RGS3: variants seen among roughly 807,000 people sequenced by gnomAD.
RGS3 encodes the protein regulator of G protein signaling 3, also known as regulator of G-protein signalling 3.
RGS3 carries 80 observed loss-of-function variants against 132.6 expected under a neutral mutation model. The observed-to-expected ratio is 0.60, with a 90% CI of 0.50 to 0.73. RGS3 has a LOEUF of 0.73. Among genes scored for constraint, RGS3 ranks in the 30% least tolerant of loss-of-function variants. RGS3 has a pLI of 0.00. For synonymous variants in RGS3, 598 were observed against 620.6 expected (o/e 0.96, Z 0.54); for missense variants, 1,382 against 1,530.8 (o/e 0.90, Z 1.62).
At chr9:113,562,448 G>T (rs963271398) in intron 19 of RGS3, among the ~76,000 whole-genome samples, 1 of 145,802 alleles carries the variant, frequency 6.9e-6, no homozygotes, top group African/African-American at 2.6e-5. Flanking sequence ...CTGCACTCCA[G>T]CCTGGGTGAC....
In RGS3 at chr9:113,460,270, C is replaced by G. The variant is rs1038460923; in HGVS notation, c.14C>G (p.Pro5Arg). 1.1e-6 allele frequency: 1 copy of G among 915,436 alleles called. No individual in the cohort carries two copies. The highest frequency in any genetic ancestry group is 1.8e-5 in the African/African-American group (1 of 55,496). 56.7% of individuals were successfully genotyped at this position (915,436 alleles called of 1,614,324 possible). A position where few individuals can be genotyped will look rare whatever the true frequency, so the allele number is the denominator to read the frequency against. Residue 5 changes from proline to arginine, a missense_variant, in exon 1 of 25, where the codon CCA (proline) becomes CGA (arginine). Coordinates refer to ENST00000350696, the Ensembl canonical transcript of RGS3. Reference sequence around the variant, plus strand: ...GCGCAGTGGCTCATGCCTGTAATCCCAGCACTTTGGGAGGTTGAGATGGGC... The same window carrying G: ...GCGCAGTGGCTCATGCCTGTAATCCGAGCACTTTGGGAGGTTGAGATGGGC...
chr9:113,511,201 AC>A (rs1831384399), intron 14 of RGS3, among the ~76,000 whole-genome samples: 2 of 152,206 alleles, frequency 1.3e-5, no homozygotes, highest in African/African-American at 4.8e-5. Flanking sequence ...CAGATTCGCC[AC>A]TGCCAGGGCA....
chr9:113,566,285 A>G (rs889127408), intron 19 of RGS3, among the ~76,000 whole-genome samples: 1 of 152,004 alleles, frequency 6.6e-6, no homozygotes, highest in Admixed American at 6.5e-5. Flanking sequence ...CTGACCTCCA[A>G]CCCCATGGGA....
In RGS3 at chr9:113,506,242, G is replaced by A. The variant is rs1831127598; in HGVS notation, c.980-146G>A. On this transcript the variant is annotated intron_variant, in intron 11 of 24. Coordinates refer to ENST00000350696, the Ensembl canonical transcript of RGS3. This position sits in a 1 kb window ranked among gnomAD's most constrained non-coding sequence, Gnocchi z 4.7. The stretch of plus-strand genomic sequence containing the variant: ...TTTCAAGGCTCTTGAGAGGCACCAA[G>A]TTCAGTCCCTCATTTCACGGATGAA... 2 of 610,344 alleles carry A rather than the reference G, an allele frequency of 3.3e-6. No homozygotes were observed. Among genetic ancestry groups the A allele is most frequent in the Non-Finnish European group, 3.0e-6 (1 of 336,510 alleles). The allele number at this position is 610,344 out of a possible 1,614,324, so 37.8% of individuals were successfully genotyped here.
intron 19 of RGS3, among the ~76,000 whole-genome samples, chr9:113,568,147 A>T (rs1484745362): frequency 1.3e-5 from 2 of 152,242 alleles, no homozygotes; most frequent in Admixed American, 1.3e-4. Context: ...GTGACATGCG[A>T]CTCAGCAGGA....
chr9:113,451,438 GA>G (rs1395251927), intron 1 of RGS3, among the ~76,000 whole-genome samples: 1 of 152,190 alleles, frequency 6.6e-6, no homozygotes, highest in Non-Finnish European at 1.5e-5. Context: ...CATGGATCCA[GA>G]AACAGACTTT....
Position 113,461,757 on chromosome 9 carries a change from G to A in RGS3, c.131G>A (p.Arg44His), listed in dbSNP as rs371153692. ...CCCAATTTTCTTTCTGGATCTCACC[G>A]TCCTGAGTGTTGTACCTGCAGGTTG... is the stretch of plus-strand genomic sequence containing the variant. The change falls in exon 2 of 25, where the codon CGT becomes CAT. Residue 44 changes from arginine (R) to histidine (H), a missense_variant. Physicochemically the swap from Arg to His is conservative, Grantham distance 29. Coordinates refer to ENST00000350696, the Ensembl canonical transcript of RGS3. 4.2e-5 allele frequency: 67 copies of A among 1,614,086 alleles called. No individual in the cohort carries two copies. The highest frequency in any genetic ancestry group is 1.5e-4 in the African/African-American group (11 of 75,008).
intron 1 of RGS3, among the ~76,000 whole-genome samples, chr9:113,454,014 A>G (rs1159313791): frequency 5.3e-5 from 8 of 151,898 alleles, no homozygotes; most frequent in Non-Finnish European, 5.9e-5. Context: ...GATGGGGTCT[A>G]AGTTGCTCAG....
chr9:113,466,839 A>T (rs536720431), intron 3 of RGS3, among the ~76,000 whole-genome samples: 1 of 152,206 alleles, frequency 6.6e-6, no homozygotes, highest in Non-Finnish European at 1.5e-5. Context: ...GAACATTTTC[A>T]TTCCCTCAAA....
chr9:113,504,674 G>C (rs1215863413), intron 10 of RGS3, among the ~76,000 whole-genome samples: 1 of 152,230 alleles, frequency 6.6e-6, no homozygotes, highest in African/African-American at 2.4e-5. Context: ...CTGGCATGCT[G>C]TAGGAGCTCA....
intron 14 of RGS3, among the ~76,000 whole-genome samples, chr9:113,510,840 C>G (rs1252171807): frequency 2.0e-5 from 3 of 152,214 alleles, no homozygotes; most frequent in South Asian, 4.1e-4. Flanking sequence ...AATCTTCACT[C>G]TTTACCAGGG....
At chr9:113,526,879 C>T (rs570402811) in intron 17 of RGS3, among the ~76,000 whole-genome samples, 44 of 152,228 alleles carry the variant, frequency 2.9e-4, no homozygotes, top group Admixed American at 5.2e-4. Flanking sequence ...CTTCTCCTCC[C>T]TCCTAGCCCC....
exon 9 of RGS3, chr9:113,497,357 G>C (rs1413556058): frequency 1.9e-6 from 3 of 1,613,438 alleles, no homozygotes; most frequent in African/African-American, 2.7e-5. Context: ...CACCTGGGCC[G>C]GACCAAGCAC....
At chr9:113,583,560 T>A in exon 20 of RGS3, 1 of 1,614,054 alleles carries the variant, frequency 6.2e-7, no homozygotes, top group Non-Finnish European at 8.5e-7. Flanking sequence ...GCCAGGAGCT[T>A]CCTCCAGGAC....
intron 19 of RGS3, among the ~76,000 whole-genome samples, chr9:113,559,124 A>G (rs562283811): frequency 6.6e-6 from 1 of 152,164 alleles, no homozygotes; most frequent in African/African-American, 2.4e-5. Flanking sequence ...GACCCAGGGG[A>G]GTGTGTGGAG....
At chr9:113,472,911 C>T (rs1157534363) in intron 3 of RGS3, among the ~76,000 whole-genome samples, 1 of 151,992 alleles carries the variant, frequency 6.6e-6, no homozygotes, top group African/African-American at 2.4e-5. Flanking sequence ...GTGGGTGGTG[C>T]ATGCCTGTAA....
At chr9:113,569,428 C>T (rs573964688) in intron 19 of RGS3, among the ~76,000 whole-genome samples, 209 of 152,176 alleles carry the variant, frequency 1.4e-3, no homozygotes, top group Non-Finnish European at 2.5e-3. Context: ...ATGGCTATGC[C>T]ACCCCTCAAG....
intron 21 of RGS3, chr9:113,594,196 G>C (rs1204696869): frequency 5.6e-6 from 9 of 1,612,884 alleles, no homozygotes; most frequent in African/African-American, 1.3e-5. Context: ...CCGCTGCCCA[G>C]GACGCGGGGT....
chr9:113,567,659 G>A (rs191470387), intron 19 of RGS3, among the ~76,000 whole-genome samples: 1 of 152,338 alleles, frequency 6.6e-6, no homozygotes, highest in East Asian at 1.9e-4. Flanking sequence ...TCCTGGCGGA[G>A]ACCATAGGGA....
Sources: gnomAD v4.1 joint callset for allele counts (sites outside exome capture counted in the v4.1 genomes callset) on GRCh38, gnomAD v4.1.1 for gene constraint, Gnocchi (gnomAD v3.1) non-coding constraint, MANE v1.5 for transcripts, NCBI Gene and HGNC (gene_info 2026-07-23, HGNC 2026-07-21) for gene names.